HMGCS1: variants seen among roughly 807,000 people sequenced by gnomAD.
HMGCS1 encodes the protein 3-hydroxy-3-methylglutaryl-CoA synthase 1.
A neutral mutation model predicts 52.3 loss-of-function variants in HMGCS1; 9 were observed. The ratio of observed to expected loss-of-function variants is 0.17; its 90% CI spans 0.10 to 0.30. The LOEUF (loss-of-function observed/expected upper bound fraction) is 0.30, where lower values mean the gene tolerates loss of function less well. HMGCS1 is among the 10% of genes least tolerant of loss of function. The pLI, the probability that HMGCS1 is intolerant of heterozygous loss-of-function variation, is 1.00. For missense variants in HMGCS1, 320 were observed against 620.9 expected (o/e 0.52, Z 5.15); for synonymous variants, 176 against 214.4 (o/e 0.82, Z 1.57).
intron 1 of HMGCS1, among the ~76,000 whole-genome samples, chr5:43,308,400 CT>C (rs1754683800): frequency 1.3e-5 from 2 of 152,160 alleles, no homozygotes; most frequent in Admixed American, 1.3e-4. Context: ...AATACACTGA[CT>C]ATTACCTTAG....
Position 43,289,353 on chromosome 5 carries a change from C to T in HMGCS1, c.*1778G>A, listed in dbSNP as rs2111605445. The stretch of plus-strand genomic sequence containing the variant: ...AATAGAATATTAGCTGATTTCTTGC[C>T]GAAGTTGTTAGTTCAAGAGTGAAAA... On this transcript the variant is annotated 3_prime_UTR_variant, in exon 11 of 11. Transcript: ENST00000325110. 1 of 152,618 alleles carries T rather than the reference C, an allele frequency of 6.6e-6. No individual in the cohort carries two copies. Among genetic ancestry groups the T allele is most frequent in the South Asian group, 2.1e-4 (1 of 4,822 alleles). 9.5% of individuals were successfully genotyped at this position (152,618 alleles called of 1,614,324 possible).
intron 2 of HMGCS1, among the ~76,000 whole-genome samples, chr5:43,306,745 A>G (rs1754596174): frequency 6.6e-6 from 1 of 152,214 alleles, no homozygotes; most frequent in Non-Finnish European, 1.5e-5. Context: ...TCAAACTGCC[A>G]AGTTTCTCCT....
At chr5:43,294,368 G>A in intron 7 of HMGCS1, 1 of 520,082 alleles carries the variant, frequency 1.9e-6, no homozygotes, top group Non-Finnish European at 3.4e-6. Context: ...TTCATCTTGT[G>A]GGGAATGACA....
At chr5:43,300,677 C>T (rs182617770) in intron 2 of HMGCS1, among the ~76,000 whole-genome samples, 19 of 152,054 alleles carry the variant, frequency 1.2e-4, no homozygotes, top group African/African-American at 4.6e-4. Flanking sequence ...TGCCTGCAGT[C>T]CCAGCTACTA....
At chr5:43,305,983 A>G (rs1754554391) in intron 2 of HMGCS1, among the ~76,000 whole-genome samples, 1 of 152,132 alleles carries the variant, frequency 6.6e-6, no homozygotes, top group South Asian at 2.1e-4. Context: ...CTGTATTTAT[A>G]ATAAAATACA....
At position 43,288,647 on chromosome 5, in the gene HMGCS1, G is replaced by T. The variant is rs1209551423; in HGVS notation, c.*2484C>A. 1 of 151,944 alleles carries T rather than the reference G, an allele frequency of 6.6e-6. No homozygotes were observed. Among genetic ancestry groups the T allele is most frequent in the African/African-American group, 2.4e-5 (1 of 41,280 alleles). 9.4% of individuals were successfully genotyped at this position (151,944 alleles called of 1,614,324 possible). ...ACATTCCATAAAGGAGAGGGGGAAA[G>T]ATTGAATTCTTAAAGCCATACTAAA... On this transcript the variant is annotated 3_prime_UTR_variant, in exon 11 of 11. Coordinates refer to ENST00000325110, the MANE Select transcript of HMGCS1 (RefSeq NM_001098272.3).
Position 43,291,355 on chromosome 5 carries a change from T to C in HMGCS1, c.1474-135A>G, listed in dbSNP as rs531720240. ...AAGTTTATGCTAAATATATATTTTA[T>C]ATAACTTTTCATGAAGGGAACTCAA... On this transcript the variant is annotated intron_variant, in intron 10 of 10. Coordinates refer to ENST00000325110, the MANE Select transcript of HMGCS1 (RefSeq NM_001098272.3). 39 of 601,014 alleles carry C rather than the reference T, an allele frequency of 6.5e-5. No individual in the cohort carries two copies. In the East Asian group the frequency reaches 9.9e-4, roughly 15 times the overall value. The allele number at this position is 601,014 out of a possible 1,614,324, so 37.2% of individuals were successfully genotyped here. A position where few individuals can be genotyped will look rare whatever the true frequency, so the allele number is the denominator to read the frequency against.
Position 43,294,684 on chromosome 5 carries a change from T to C in HMGCS1, c.1076+7A>G, listed in dbSNP as rs372289673. On this transcript the variant is annotated splice_region_variant and intron_variant, in intron 7 of 10. Transcript: ENST00000325110. ...GGAGTTAAGTAGTAGGTGAAATTTA[T>C]ACTTACTGTGCTAGAACAGATGCAA... 5.7e-6 allele frequency: 9 copies of C among 1,569,936 alleles called. No homozygotes were observed. The African/African-American group carries it at 1.1e-4, about 19-fold the overall frequency.
chr5:43,298,485 TG>T lies in HMGCS1; in HGVS notation c.448+32del. On this transcript the variant is annotated intron_variant, in intron 3 of 10. Transcript: ENST00000325110. The surrounding 1 kb of genome is among the most constrained non-coding windows in gnomAD (Gnocchi z 5.6). Reference sequence around the variant, plus strand: ...TCTATTGAACCTTAGAAAAAAATTTTGGGGGACGGCGGGGAATAGGCATGTA... The same window carrying T: ...TCTATTGAACCTTAGAAAAAAATTTTGGGGACGGCGGGGAATAGGCATGTA... 1 of 1,555,546 alleles carries T rather than the reference TG, an allele frequency of 6.4e-7. No individual in the cohort carries two copies. Among genetic ancestry groups the T allele is most frequent in the Non-Finnish European group, 8.7e-7 (1 of 1,144,758 alleles).
intron 7 of HMGCS1, 41 bp from the exon 8 acceptor site, chr5:43,294,203 C>A: frequency 8.2e-7 from 1 of 1,226,246 alleles, no homozygotes; most frequent in Non-Finnish European, 1.2e-6. Context: ...TTAACTGATC[C>A]AAAGCTACAG....
intron 10 of HMGCS1, among the ~76,000 whole-genome samples, chr5:43,291,689 A>G (rs1753774454): frequency 6.6e-6 from 1 of 152,208 alleles, no homozygotes; most frequent in South Asian, 2.1e-4. Flanking sequence ...TTGGAGGCTC[A>G]TCTCTAAAGG....
chr5:43,306,389 C>CT (rs1754577886), intron 2 of HMGCS1, among the ~76,000 whole-genome samples: 3 of 152,324 alleles, frequency 2.0e-5, no homozygotes, highest in South Asian at 2.1e-4. Context: ...TGGGGAAGGA[C>CT]TTCAGCATCA....
chr5:43,294,114 A>G lies in HMGCS1; in HGVS notation c.1125T>C (p.Tyr375=). Reference sequence around the variant, plus strand: ...ACAGAGTGGCAGCCAAACCAGAACCATAAGAAAACACTCCAATTCTCTTCC... The same window carrying G: ...ACAGAGTGGCAGCCAAACCAGAACCGTAAGAAAACACTCCAATTCTCTTCC... ...LAGKRIGVFS[Y]GSGLAATLYS... Residue 375 remains tyrosine, a synonymous_variant, in exon 8 of 11, where the codon TAT becomes TAC. Coordinates refer to ENST00000325110, the MANE Select transcript of HMGCS1 (RefSeq NM_001098272.3). 2 of 1,613,620 alleles carry G rather than the reference A, an allele frequency of 1.2e-6. No homozygotes were observed. The highest frequency in any genetic ancestry group is 1.7e-6 in the Non-Finnish European group (2 of 1,179,538).
rs775115291 is a variant in HMGCS1 at position 43,298,943 on chromosome 5, T to A, written c.23A>T (p.Asn8Ile). The A allele has an allele frequency of 5.6e-6, 9 of 1,613,230 alleles. No homozygotes were observed. Among genetic ancestry groups the A allele is most frequent in the South Asian group, 5.5e-5 (5 of 91,002 alleles). MPGSLPL[N>I]AEACWPKDVG... ...ATCTTTTGGCCAGCAAGCTTCTGCA[T>A]TCAAAGGAAGTGATCCAGGCATGGT... is the stretch of plus-strand genomic sequence containing the variant. The change falls in exon 3 of 11, where the codon AAT (asparagine) becomes ATT (isoleucine). Residue 8 changes from asparagine (N) to isoleucine (I), a missense_variant. Around this residue, in one of 3 missense-constraint regions of HMGCS1, gnomAD observed 22 missense variants for 23.5 expected, o/e 0.94. Coordinates refer to ENST00000325110, the MANE Select transcript of HMGCS1 (RefSeq NM_001098272.3). The surrounding 1 kb of genome is among the most constrained non-coding windows in gnomAD (Gnocchi z 5.6).
intron 5 of HMGCS1, among the ~76,000 whole-genome samples, chr5:43,296,330 G>T (rs1360168334): frequency 2.0e-5 from 3 of 151,998 alleles, no homozygotes; most frequent in Non-Finnish European, 2.9e-5. Context: ...CTTACTGTGG[G>T]TCCTAATAAA....
chr5:43,305,799 A>T (rs901798795), intron 2 of HMGCS1, among the ~76,000 whole-genome samples: 1 of 150,946 alleles, frequency 6.6e-6, no homozygotes, highest in Non-Finnish European at 1.5e-5. Flanking sequence ...AAAAAAAAAA[A>T]ATTTAAAAAA....
chr5:43,287,586 T>A lies in HMGCS1; in HGVS notation c.*3545A>T, dbSNP rs1222948160. ...GTTATTGCCAAACCCGCCACAGAAG[T>A]CTCCTCCTCTTTTGAGGAGACTTAC... On this transcript the variant is annotated 3_prime_UTR_variant, in exon 11 of 11. Transcript: ENST00000325110. The A allele has an allele frequency of 6.6e-6, 1 of 152,090 alleles. No homozygotes were observed. Among genetic ancestry groups the A allele is most frequent in the Non-Finnish European group, 1.5e-5 (1 of 68,032 alleles). 9.4% of individuals were successfully genotyped at this position (152,090 alleles called of 1,614,324 possible).
intron 2 of HMGCS1, among the ~76,000 whole-genome samples, chr5:43,303,643 T>C (rs527251350): frequency 5.3e-5 from 8 of 152,230 alleles, no homozygotes; most frequent in East Asian, 1.9e-4. Context: ...TTACCAGACA[T>C]AGCATATATA....
chr5:43,294,952 G>A, intron 6 of HMGCS1, 91 bp from the exon 7 acceptor site: 1 of 787,768 alleles, frequency 1.3e-6, no homozygotes, highest in Non-Finnish European at 2.0e-6. Context: ...AAATCTTTAA[G>A]TGTATATAAT....
Sources: gnomAD v4.1 joint callset for allele counts (sites outside exome capture counted in the v4.1 genomes callset) on GRCh38, gnomAD v4.1.1 for gene constraint, gnomAD v4.1.1 regional missense constraint, Gnocchi (gnomAD v3.1) non-coding constraint, MANE v1.5 for transcripts, NCBI Gene and HGNC (gene_info 2026-07-23, HGNC 2026-07-21) for gene names.